The following FAF2 variants were observed in gnomAD, a reference collection of about 807,000 sequenced individuals.
The protein encoded by FAF2 is FAS-associated factor 2.
FAF2 carries 9 observed loss-of-function variants against 62.3 expected under a neutral mutation model. The ratio of observed to expected loss-of-function variants is 0.14; its 90% CI spans 0.09 to 0.25. The LOEUF (loss-of-function observed/expected upper bound fraction) is 0.25. Among genes scored for constraint, FAF2 ranks in the 10% least tolerant of loss-of-function variants. FAF2 has a pLI of 1.00. For missense variants in FAF2, 368 were observed against 556.2 expected (o/e 0.66, Z 3.40); for synonymous variants, 202 against 198.0 (o/e 1.02, Z -0.17).
At chr5:176,467,862 T>A (rs148924005) in intron 1 of FAF2, among the ~76,000 whole-genome samples, 1 of 152,292 alleles carries the variant, frequency 6.6e-6, no homozygotes, top group Non-Finnish European at 1.5e-5. Context: ...AATGAGAAGA[T>A]CAGTGTTTAA....
At chr5:176,502,346 C>T (rs2963301) in intron 10 of FAF2, among the ~76,000 whole-genome samples, 4,743 of 152,022 alleles carry the variant, frequency 0.031, 214 homozygotes, top group African/African-American at 0.11. Flanking sequence ...TTTGGGAGGC[C>T]GAGGCAGGCG....
chr5:176,463,167 G>A (rs1293660220), intron 1 of FAF2, among the ~76,000 whole-genome samples: 1 of 152,064 alleles, frequency 6.6e-6, no homozygotes, highest in Non-Finnish European at 1.5e-5. Flanking sequence ...GCTGAGGCGG[G>A]TGGATCACCT....
At chr5:176,462,605 A>G (rs1391370695) in intron 1 of FAF2, among the ~76,000 whole-genome samples, 1 of 152,214 alleles carries the variant, frequency 6.6e-6, no homozygotes, top group African/African-American at 2.4e-5. Context: ...GCCTAACGAC[A>G]GAGCAAGACT....
intron 1 of FAF2, among the ~76,000 whole-genome samples, chr5:176,455,623 C>T (rs1758266586): frequency 6.6e-6 from 1 of 152,032 alleles, no homozygotes; most frequent in South Asian, 2.1e-4. Context: ...GTGGCGGGTG[C>T]CTGTAATCCT....
At chr5:176,483,096 G>A (rs528441751) in intron 2 of FAF2, among the ~76,000 whole-genome samples, 2 of 151,376 alleles carry the variant, frequency 1.3e-5, no homozygotes, top group Non-Finnish European at 2.9e-5. Context: ...TTGGTTTGTT[G>A]CCCAGGCTGG....
Position 176,448,390 on chromosome 5 carries a change from C to T in FAF2, c.-18C>T, listed in dbSNP as rs1014520825. On this transcript the variant is annotated 5_prime_UTR_variant, in exon 1 of 11. Coordinates refer to ENST00000261942, the MANE Select transcript of FAF2 (RefSeq NM_014613.3). ...GGTGACGGTGCGGACGGGTCAGGAG[C>T]GTAGAGGCGGCGGCAAAATGGCGGC... The T allele has an allele frequency of 1.2e-5, 19 of 1,600,938 alleles. No individual in the cohort carries two copies. The highest frequency in any genetic ancestry group is 1.7e-5 in the Admixed American group (1 of 57,686).
intron 1 of FAF2, among the ~76,000 whole-genome samples, chr5:176,454,587 A>G (rs1184697754): frequency 1.3e-4 from 3 of 22,412 alleles, no homozygotes; most frequent in African/African-American, 4.0e-4. Flanking sequence ...GAAAAAAAAA[A>G]AAAAAAAAAA....
intron 10 of FAF2, among the ~76,000 whole-genome samples, chr5:176,503,496 A>G (rs2113748833): frequency 1.3e-5 from 2 of 151,738 alleles, no homozygotes; most frequent in Middle Eastern, 6.8e-3. Flanking sequence ...CGGAGGTTGC[A>G]GTGAATGGAG....
intron 1 of FAF2, among the ~76,000 whole-genome samples, chr5:176,462,475 T>G (rs1046371897): frequency 4.6e-5 from 7 of 151,460 alleles, no homozygotes; most frequent in African/African-American, 1.7e-4. Context: ...AATACCAAAA[T>G]TAGCCGGGCG....
chr5:176,451,360 G>A (rs766485077), intron 1 of FAF2, among the ~76,000 whole-genome samples: 1 of 152,052 alleles, frequency 6.6e-6, no homozygotes, highest in African/African-American at 2.4e-5. Context: ...AACAGAGCGG[G>A]ACTCTGTCTC....
chr5:176,483,457 G>T (rs1430995318), intron 2 of FAF2, among the ~76,000 whole-genome samples: 1 of 152,008 alleles, frequency 6.6e-6, no homozygotes, highest in African/African-American at 2.4e-5. Context: ...GTGATCTAGG[G>T]GTTAATCCAC....
chr5:176,486,387 G>A lies in FAF2; in HGVS notation c.165G>A (p.Glu55=). The A allele has an allele frequency of 6.2e-7, 1 of 1,614,184 alleles. No homozygotes were observed. The highest frequency in any genetic ancestry group is 8.5e-7 in the Non-Finnish European group (1 of 1,180,030). ...TACAGGACAGATTGAATGAGCAAGA[G>A]GGCGTACCTAGTGTTTTCAACCCAC... ...AAVQDRLNEQ[E]GVPSVFNPPP... The change falls in exon 3 of 11, where the codon GAG becomes GAA. Residue 55 remains glutamate, a synonymous_variant. Transcript: ENST00000261942.
chr5:176,475,815 C>T (rs1329919478), intron 1 of FAF2, among the ~76,000 whole-genome samples: 4 of 151,940 alleles, frequency 2.6e-5, no homozygotes, highest in African/African-American at 7.3e-5. Context: ...TTTCCCAGCT[C>T]GGCTGTACAT....
chr5:176,477,104 G>A (rs1454939190), intron 1 of FAF2, among the ~76,000 whole-genome samples: 8 of 145,780 alleles, frequency 5.5e-5, no homozygotes, highest in South Asian at 2.1e-4. Flanking sequence ...CACCGTGCCC[G>A]GCCTTTTTTT....
chr5:176,488,171 T>G (rs1165737384), intron 3 of FAF2, among the ~76,000 whole-genome samples: 2 of 151,942 alleles, frequency 1.3e-5, no homozygotes, highest in African/African-American at 2.4e-5. Flanking sequence ...AGAGACAGGG[T>G]TTTACCATGT....
In FAF2 at chr5:176,501,990, C is replaced by T. The variant is rs13185236; in HGVS notation, c.1155+1844C>T. On this transcript the variant is annotated intron_variant, in intron 10 of 10. Coordinates refer to ENST00000261942, the MANE Select transcript of FAF2 (RefSeq NM_014613.3). ...CAGGCCGGTCTCGAACTCCTAACCT[C>T]AAGTGATCCACCCACCTCGGCCTCC... 3.9e-5 allele frequency among the ~76,000 whole-genome samples: 6 copies of T among 152,178 alleles called. No homozygotes were observed. The South Asian group carries it at 1.2e-3, about 32-fold the overall frequency.
chr5:176,448,521 GC>G, intron 1 of FAF2, 51 bp downstream of exon 1: 1 of 1,526,900 alleles, frequency 6.5e-7, no homozygotes, highest in African/African-American at 1.4e-5. Flanking sequence ...TGGGGAGTAG[GC>G]CCCTAGAGGA....
intron 8 of FAF2, among the ~76,000 whole-genome samples, chr5:176,497,811 G>C (rs968671491): frequency 5.3e-5 from 8 of 152,144 alleles, no homozygotes; most frequent in African/African-American, 1.9e-4. Context: ...AAATTTTATG[G>C]AAAGTTTTTA....
rs888381690 is a variant in FAF2, at chr5:176,507,026, A to G, written c.*76A>G. The G allele has an allele frequency of 1.0e-5, 10 of 966,854 alleles. No individual in the cohort carries two copies. The highest frequency in any genetic ancestry group is 9.4e-5 in the East Asian group (3 of 32,008). 59.9% of individuals were successfully genotyped at this position (966,854 alleles called of 1,614,324 possible). A position where few individuals can be genotyped will look rare whatever the true frequency, so the allele number is the denominator to read the frequency against. On this transcript the variant is annotated 3_prime_UTR_variant, in exon 11 of 11. Transcript: ENST00000261942. ...AAAAAAGAAAACAACAGCAAGTCAG[A>G]AAAAAAAAACAAGAGAGAGAAATTC...
Sources: gnomAD v4.1 joint callset for allele counts (sites outside exome capture counted in the v4.1 genomes callset) on GRCh38, gnomAD v4.1.1 for gene constraint, MANE v1.5 for transcripts, NCBI Gene and HGNC (gene_info 2026-07-23, HGNC 2026-07-21) for gene names.